Variants in ABCB11 observed in about 807,000 individuals in gnomAD.
ABCB11 encodes ATP binding cassette subfamily B member 11, also known as bile salt export pump.
A neutral mutation model predicts 148.0 loss-of-function variants in ABCB11; 95 were observed. The ratio of observed to expected loss-of-function variants is 0.64; its 90% CI spans 0.54 to 0.76. The LOEUF (loss-of-function observed/expected upper bound fraction) is 0.76, where lower values mean the gene tolerates loss of function less well. Among genes scored for constraint, ABCB11 ranks in the 30% least tolerant of loss-of-function variants. The pLI is 0.00. For synonymous variants in ABCB11, 591 were observed against 555.4 expected, an observed-to-expected ratio of 1.06 and a Z score of -0.90; for missense variants, 1,523 against 1,617.8, an observed-to-expected ratio of 0.94 and a Z score of 1.01.
chr2:168,921,437 C>T lies in ABCB11; in HGVS notation c.*2185G>A, dbSNP rs945205241. On this transcript the variant is annotated 3_prime_UTR_variant, in exon 28 of 28. Transcript: ENST00000650372. ...GATGGCAGGATAGGTTGGTGGGAACCGTGGGTGCAGTCCTGCTCCCAAGGT... is the reference window on the plus strand; with the variant it reads ...GATGGCAGGATAGGTTGGTGGGAACTGTGGGTGCAGTCCTGCTCCCAAGGT... Among the ~76,000 whole-genome samples, 9 of 152,082 alleles carry T rather than the reference C, an allele frequency of 5.9e-5. No homozygotes were observed. Among genetic ancestry groups the T allele is most frequent in the African/African-American group, 1.9e-4 (8 of 41,400 alleles).
chr2:168,950,416 TC>T (rs1346937894), intron 19 of ABCB11, among the ~76,000 whole-genome samples: 15 of 151,694 alleles, frequency 9.9e-5, no homozygotes, highest in Admixed American at 9.9e-4. Context: ...ATATAAGCAT[TC>T]TTTTTTCTCC....
At chr2:169,030,551 G>A (rs1329539728) in intron 1 of ABCB11, among the ~76,000 whole-genome samples, 2 of 152,062 alleles carry the variant, frequency 1.3e-5, no homozygotes, top group African/African-American at 4.8e-5. Context: ...TCAAAATGTT[G>A]ACAAATACTG....
chr2:169,030,465 C>T (rs936532828), intron 1 of ABCB11, among the ~76,000 whole-genome samples: 19 of 152,226 alleles, frequency 1.2e-4, no homozygotes, highest in African/African-American at 4.6e-4. Flanking sequence ...AAAACCACTA[C>T]TAACTCCTAA....
intron 2 of ABCB11, among the ~76,000 whole-genome samples, chr2:169,017,590 C>A (rs1363120733): frequency 6.6e-6 from 1 of 152,078 alleles, no homozygotes; most frequent in African/African-American, 2.4e-5. Flanking sequence ...AATGTAAAAT[C>A]ATAGGGTTAG....
At chr2:168,989,890 T>C (rs893475426) in intron 9 of ABCB11, among the ~76,000 whole-genome samples, 4 of 152,168 alleles carry the variant, frequency 2.6e-5, no homozygotes, top group Non-Finnish European at 5.9e-5. Flanking sequence ...TCTTTCATTC[T>C]GTTAATGTGG....
chr2:168,974,358 T>G (rs1260989376), intron 12 of ABCB11, among the ~76,000 whole-genome samples: 1 of 151,986 alleles, frequency 6.6e-6, no homozygotes, highest in Non-Finnish European at 1.5e-5. Flanking sequence ...ACGGTGTGTT[T>G]GCTACGTAGA....
intron 21 of ABCB11, among the ~76,000 whole-genome samples, chr2:168,942,287 T>G (rs984443774): frequency 6.6e-6 from 1 of 151,820 alleles, no homozygotes; most frequent in African/African-American, 2.4e-5. Flanking sequence ...AAATTTAGTA[T>G]CCCCACAATA....
At position 168,936,215 on chromosome 2, in the gene ABCB11, G is replaced by A. The variant is rs760549292; in HGVS notation, c.2814+15C>T. On this transcript the variant is annotated intron_variant, in intron 22 of 27. Transcript: ENST00000650372. ...TCAGCCATGAGGAATGGGAAAATTA[G>A]ATCTGCAAGATTACCTGTCCCACCA... 1.2e-5 allele frequency: 19 copies of A among 1,609,660 alleles called. No individual in the cohort carries two copies. In the East Asian group the frequency reaches 2.2e-4, roughly 19 times the overall value.
At position 169,004,295 on chromosome 2, in the gene ABCB11, C is replaced by T. The variant is rs114163228; in HGVS notation, c.390-7573G>A. On this transcript the variant is annotated intron_variant, in intron 5 of 27. Coordinates refer to ENST00000650372, the MANE Select transcript of ABCB11 (RefSeq NM_003742.4). Reference sequence around the variant, plus strand: ...AAACTTTTAGATTTCTCTTCTTCCTCGAGAACACCAATTATTCTTAGGTTT... The same window carrying T: ...AAACTTTTAGATTTCTCTTCTTCCTTGAGAACACCAATTATTCTTAGGTTT... Among the ~76,000 whole-genome samples the T allele has an allele frequency of 8.2e-3, 1,251 of 152,288 alleles. 9 individuals are homozygous for T. The highest frequency in any genetic ancestry group is 0.012 in the Non-Finnish European group (843 of 68,018).
At position 168,990,809 on chromosome 2, in the gene ABCB11, C is replaced by T. The variant is rs1694489538; in HGVS notation, c.900G>A (p.Glu300=). ...TVAAFGGEKR[E]VERYEKNLVF... ...GATTCCAATTAACCAACCTTTCAAC[C>T]TCTCTTTTCTCACCACCAAAAGCAG... The change falls in exon 9 of 28, where the codon GAG becomes GAA. Residue 300 remains glutamate (E), a synonymous_variant. Transcript: ENST00000650372. 1.9e-6 allele frequency: 3 copies of T among 1,612,676 alleles called. No homozygotes were observed. The highest frequency in any genetic ancestry group is 2.5e-6 in the Non-Finnish European group (3 of 1,179,168).
At chr2:168,952,840 T>A (rs984668051) in intron 19 of ABCB11, among the ~76,000 whole-genome samples, 8 of 151,706 alleles carry the variant, frequency 5.3e-5, no homozygotes, top group Admixed American at 1.3e-4. Context: ...TGTAGGCATT[T>A]AATGCTATCA....
At chr2:168,973,117 CAAT>C (rs767041865) in intron 13 of ABCB11, among the ~76,000 whole-genome samples, 2 of 151,826 alleles carry the variant, frequency 1.3e-5, no homozygotes, top group Non-Finnish European at 1.5e-5. Context: ...CTTAAGGACA[CAAT>C]AATATTTTCG....
intron 21 of ABCB11, among the ~76,000 whole-genome samples, chr2:168,944,227 C>T (rs1337683533): frequency 2.6e-5 from 4 of 152,162 alleles, no homozygotes; most frequent in Admixed American, 2.0e-4. Context: ...GGCTAAACCA[C>T]ACTCTGGGGT....
chr2:169,028,005 A>T (rs1057496652), intron 1 of ABCB11, among the ~76,000 whole-genome samples: 5 of 152,128 alleles, frequency 3.3e-5, no homozygotes, highest in Admixed American at 3.3e-4. Context: ...ATACAGTTTT[A>T]TGGGAACACA....
chr2:168,986,798 A>ATGAGACATGGATAAC (rs200900670), intron 9 of ABCB11, among the ~76,000 whole-genome samples: 4,584 of 152,220 alleles, frequency 0.03, 105 homozygotes, highest in African/African-American at 0.062. Context: ...GTTCACAGCC[A>ATGAGACATGGATAAC]TGAGACATGG....
rs543351564 is a variant in ABCB11, at chr2:168,932,646, C to G, written c.3057-113G>C. ...GTTCTGCCAGGAAAGGACCAAATAT[C>G]CTTGAGCAAGTCACTTCAGACTTGT... On this transcript the variant is annotated intron_variant, in intron 23 of 27. Transcript: ENST00000650372. The G allele has an allele frequency of 4.2e-5, 55 of 1,309,276 alleles. 1 individual carries two copies. In the South Asian group the frequency reaches 6.2e-4, roughly 15 times the overall value. The allele number at this position is 1,309,276 out of a possible 1,614,324, so 81.1% of individuals were successfully genotyped here. A position where few individuals can be genotyped will look rare whatever the true frequency, so the allele number is the denominator to read the frequency against.
intron 19 of ABCB11, among the ~76,000 whole-genome samples, chr2:168,949,850 T>C (rs1692478492): frequency 6.6e-6 from 1 of 151,418 alleles, no homozygotes; most frequent in Non-Finnish European, 1.5e-5. Context: ...CTTAATCTGG[T>C]GGGCACAATT....
chr2:168,986,087 CTCGG>C lies in ABCB11; in HGVS notation c.1083+19_1083+22del, dbSNP rs1694309026. 1 of 1,524,336 alleles carries C rather than the reference CTCGG, an allele frequency of 6.6e-7. No homozygotes were observed. The highest frequency in any genetic ancestry group is 8.8e-7 in the Non-Finnish European group (1 of 1,131,218). The allele number at this position is 1,524,336 out of a possible 1,614,324, so 94.4% of individuals were successfully genotyped here. On this transcript the variant is annotated intron_variant, in intron 10 of 27. Transcript: ENST00000650372. Reference sequence around the variant, plus strand: ...GAGATACCAGAAGGAAATGCTATGTCTCGGTCAATAAGTCCAAGGTACCTGGACA... The same window carrying C: ...GAGATACCAGAAGGAAATGCTATGTCTCAATAAGTCCAAGGTACCTGGACA...
At chr2:168,977,083 T>C (rs1046869277) in intron 11 of ABCB11, among the ~76,000 whole-genome samples, 3 of 148,370 alleles carry the variant, frequency 2.0e-5, no homozygotes, top group Admixed American at 1.4e-4. Flanking sequence ...TATTATATAA[T>C]ATGTGCCATT....
Sources: gnomAD v4.1 joint callset for allele counts (sites outside exome capture counted in the v4.1 genomes callset) on GRCh38, gnomAD v4.1.1 for gene constraint, MANE v1.5 for transcripts, NCBI Gene and HGNC (gene_info 2026-07-23, HGNC 2026-07-21) for gene names.